The following MIB1 variants were observed in gnomAD, a reference collection of about 807,000 sequenced individuals.
The protein encoded by MIB1 is MIB E3 ubiquitin protein ligase 1, also known as E3 ubiquitin-protein ligase MIB1.
MIB1 carries 278 observed loss-of-function variants against 124.5 expected under a neutral mutation model. That is an observed-to-expected ratio of 2.23 (90% CI 2.02 to 2.47). The LOEUF (loss-of-function observed/expected upper bound fraction) is 2.47. Ranked by LOEUF, MIB1 falls within the 30% of genes most tolerant of loss-of-function variation. MIB1 has a pLI of 0.00. For missense variants in MIB1, 957 were observed against 1,254.4 expected (o/e 0.76, Z 3.58); for synonymous variants, 446 against 429.4 (o/e 1.04, Z -0.48).
intron 18 of MIB1, among the ~76,000 whole-genome samples, chr18:21,853,579 C>T (rs893245017): frequency 8.5e-5 from 13 of 152,276 alleles, no homozygotes; most frequent in African/African-American, 2.9e-4. Context: ...TTTGGCTTCA[C>T]CTTAATATTG....
chr18:21,801,917 G>C (rs932819890), intron 9 of MIB1, among the ~76,000 whole-genome samples: 5 of 151,984 alleles, frequency 3.3e-5, no homozygotes, highest in African/African-American at 1.2e-4. Flanking sequence ...TCCTGTGTTG[G>C]ATTTCTTGTT....
chr18:21,744,231 A>G (rs1390068333), intron 1 of MIB1, among the ~76,000 whole-genome samples: 1 of 151,284 alleles, frequency 6.6e-6, no homozygotes, highest in East Asian at 1.9e-4. Context: ...GTTCACTGAC[A>G]TTTTATTACA....
At position 21,751,337 on chromosome 18, in the gene MIB1, C is replaced by T. The variant is rs1041682547; in HGVS notation, c.229+9525C>T. Reference sequence around the variant, plus strand: ...TGTTGCCCAGGCTGGGGTGCAGTGGCACGATCTTGGCTCACTGCAGCCAAG... The same window carrying T: ...TGTTGCCCAGGCTGGGGTGCAGTGGTACGATCTTGGCTCACTGCAGCCAAG... On this transcript the variant is annotated intron_variant, in intron 1 of 20. Coordinates refer to ENST00000261537, the MANE Select transcript of MIB1 (RefSeq NM_020774.4). Among the ~76,000 whole-genome samples, 3 of 152,066 alleles carry T rather than the reference C, an allele frequency of 2.0e-5. 1 individual carries two copies. The highest frequency in any genetic ancestry group is 1.3e-4 in the Admixed American group (2 of 15,266).
At position 21,773,715 on chromosome 18, in the gene MIB1, G is replaced by C; in HGVS notation, c.623G>C (p.Gly208Ala). 6.3e-7 allele frequency: 1 copy of C among 1,598,294 alleles called. No homozygotes were observed. Among genetic ancestry groups the C allele is most frequent in the South Asian group, 1.1e-5 (1 of 87,744 alleles). The change falls in exon 4 of 21, where the codon GGC becomes GCC. Residue 208 changes from glycine (G) to alanine (A), a missense_variant. Physicochemically the swap from Gly to Ala is moderately conservative, Grantham distance 60. Coordinates refer to ENST00000261537, the MANE Select transcript of MIB1 (RefSeq NM_020774.4). The stretch of plus-strand genomic sequence containing the variant: ...GGTGCTAAGAACCTTTACAGAGTTG[G>C]CTTTGAGGGCATGGTAAGTAGTGAA... ...DNGAKNLYRV[G>A]FEGMSDLKCV...
exon 1 of MIB1, chr18:21,704,987 C>T: frequency 9.5e-6 from 2 of 209,882 alleles, no homozygotes; most frequent in Non-Finnish European, 9.4e-6. Flanking sequence ...TCGCAGTGGG[C>T]GATGGGGATC....
In MIB1 at chr18:21,741,818, C is replaced by T; in HGVS notation, c.229+6C>T. On this transcript the variant is annotated splice_donor_region_variant and intron_variant, in intron 1 of 20. Coordinates refer to ENST00000261537, the MANE Select transcript of MIB1 (RefSeq NM_020774.4). The surrounding 1 kb of genome is among the most constrained non-coding windows in gnomAD (Gnocchi z 5.4). ...CCTGGACAGCGCGCCCACCGGTAAG[C>T]CGCGGCCACCTGGCCAGGGCTTGCG... 6.3e-7 allele frequency: 1 copy of T among 1,587,492 alleles called. No homozygotes were observed. Among genetic ancestry groups the T allele is most frequent in the Non-Finnish European group, 8.6e-7 (1 of 1,167,770 alleles).
chr18:21,851,351 A>G (rs1350244651), intron 17 of MIB1, among the ~76,000 whole-genome samples: 2 of 152,166 alleles, frequency 1.3e-5, no homozygotes, highest in Non-Finnish European at 2.9e-5. Flanking sequence ...CCTTTTGAAT[A>G]TAGTTATTCT....
chr18:21,816,508 G>T (rs1019118517), intron 11 of MIB1, among the ~76,000 whole-genome samples: 1 of 152,080 alleles, frequency 6.6e-6, no homozygotes, highest in Non-Finnish European at 1.5e-5. Flanking sequence ...TTCCTTAACC[G>T]AATAGGCTTG....
intron 12 of MIB1, among the ~76,000 whole-genome samples, chr18:21,823,146 A>T (rs1327665172): frequency 6.6e-6 from 1 of 151,848 alleles, no homozygotes; most frequent in African/African-American, 2.4e-5. Flanking sequence ...AGACATGAGA[A>T]TCACCTGAAC....
At chr18:21,707,424 G>A (rs573456686) in intron 1 of MIB1, among the ~76,000 whole-genome samples, 3 of 152,228 alleles carry the variant, frequency 2.0e-5, no homozygotes, top group African/African-American at 7.2e-5. Context: ...GGCTGCCCGA[G>A]CCAGCAGAGG....
At chr18:21,799,721 A>G in intron 8 of MIB1, 120 bp from the exon 9 acceptor site, 1 of 1,003,710 alleles carries the variant, frequency 1.0e-6, no homozygotes, top group African/African-American at 1.6e-5. Context: ...TAGAAAAATA[A>G]CATTAATGAT....
intron 11 of MIB1, among the ~76,000 whole-genome samples, chr18:21,817,123 A>G (rs1431707429): frequency 1.4e-5 from 2 of 143,078 alleles, no homozygotes; most frequent in Non-Finnish European, 3.1e-5. Flanking sequence ...GGTAGATGGT[A>G]GATGGTTGGA....
chr18:21,707,617 C>T (rs1263392255), intron 1 of MIB1, among the ~76,000 whole-genome samples: 1 of 152,148 alleles, frequency 6.6e-6, no homozygotes, highest in Non-Finnish European at 1.5e-5. Flanking sequence ...GAAGAAACTC[C>T]AAACACATCC....
chr18:21,804,626 C>T (rs1486087222), intron 10 of MIB1, among the ~76,000 whole-genome samples: 1 of 152,146 alleles, frequency 6.6e-6, no homozygotes, highest in Admixed American at 6.5e-5. Context: ...TACTTAACTA[C>T]TCATTACTAA....
chr18:21,709,331 A>G (rs2040655722), intron 1 of MIB1, among the ~76,000 whole-genome samples: 1 of 151,726 alleles, frequency 6.6e-6, no homozygotes, highest in African/African-American at 2.4e-5. Context: ...AAAAAAAAAA[A>G]AAAAAGTCGT....
In MIB1 at chr18:21,778,182, A is replaced by G. The variant is rs1281040158; in HGVS notation, c.703+13A>G. The G allele has an allele frequency of 6.5e-7, 1 of 1,533,046 alleles. No homozygotes were observed. The highest frequency in any genetic ancestry group is 1.1e-5 in the South Asian group (1 of 89,156). The allele number at this position is 1,533,046 out of a possible 1,614,324, so 95.0% of individuals were successfully genotyped here. A position where few individuals can be genotyped will look rare whatever the true frequency, so the allele number is the denominator to read the frequency against. On this transcript the variant is annotated intron_variant, in intron 5 of 20. Coordinates refer to ENST00000261537, the MANE Select transcript of MIB1 (RefSeq NM_020774.4). ...TGCCCTGTGCTAGGTGAGTGAGAAG[A>G]TTAGAGAGTATTACTAAATAATGGG...
At chr18:21,851,827 C>T (rs996334260) in intron 17 of MIB1, among the ~76,000 whole-genome samples, 1 of 152,074 alleles carries the variant, frequency 6.6e-6, no homozygotes, top group Non-Finnish European at 1.5e-5. Flanking sequence ...GAAGTATAAC[C>T]TGAGGAAATA....
At chr18:21,795,256 G>A (rs975136879) in intron 7 of MIB1, among the ~76,000 whole-genome samples, 1 of 141,632 alleles carries the variant, frequency 7.1e-6, no homozygotes, top group Admixed American at 7.3e-5. Flanking sequence ...AGGGAACCAA[G>A]TCGAGATTTT....
In MIB1 at chr18:21,869,533, TTAA is replaced by T. The variant is rs1434363911; in HGVS notation, c.*4872_*4874del. On this transcript the variant is annotated 3_prime_UTR_variant, in exon 21 of 21. Coordinates refer to ENST00000261537, the MANE Select transcript of MIB1 (RefSeq NM_020774.4). Reference sequence around the variant, plus strand: ...TTTTAAAGTCATATTGCTTAGCTTGTTAATAATGATTCTGCATGTGTGCTGGGT... The same window carrying T: ...TTTTAAAGTCATATTGCTTAGCTTGTTAATGATTCTGCATGTGTGCTGGGT... The T allele has an allele frequency of 3.3e-5, 5 of 152,524 alleles. No individual in the cohort carries two copies. The highest frequency in any genetic ancestry group is 6.5e-5 in the Admixed American group (1 of 15,278). The allele number at this position is 152,524 out of a possible 1,614,324, so 9.4% of individuals were successfully genotyped here.
Sources: allele counts gnomAD v4.1 joint callset (sites outside exome capture counted in the v4.1 genomes callset), GRCh38; gene constraint gnomAD v4.1.1; non-coding constraint Gnocchi (gnomAD v3.1); transcripts MANE v1.5; gene names NCBI Gene and HGNC (gene_info 2026-07-23, HGNC 2026-07-21).